Variants in CSMD3 observed in about 807,000 individuals in gnomAD.
The protein encoded by CSMD3 is CUB and Sushi multiple domains 3.
Under a neutral mutation model 435.2 loss-of-function variants are expected in CSMD3, and 177 were observed. The ratio of observed to expected loss-of-function variants is 0.41; its 90% CI spans 0.36 to 0.46. The LOEUF (loss-of-function observed/expected upper bound fraction) is 0.46, where lower values mean the gene tolerates loss of function less well. Among genes scored for constraint, CSMD3 ranks in the 20% least tolerant of loss-of-function variants. The probability of loss-of-function intolerance (pLI) is 0.34; values close to 1 mark genes in which losing one functional copy is unlikely to be tolerated. For missense variants in CSMD3, 4,265 were observed against 4,504.6 expected (o/e 0.95, Z 1.52); for synonymous variants, 1,656 against 1,520.5 (o/e 1.09, Z -2.07).
At chr8:112,373,016 A>G (rs1241418424) in intron 38 of CSMD3, among the ~76,000 whole-genome samples, 4 of 117,074 alleles carry the variant, frequency 3.4e-5, no homozygotes, top group Non-Finnish European at 5.6e-5. Context: ...ATATATATAT[A>G]TATATATTTT....
At chr8:113,254,807 T>G (rs2093366153) in intron 3 of CSMD3, among the ~76,000 whole-genome samples, 1 of 152,188 alleles carries the variant, frequency 6.6e-6, no homozygotes, top group African/African-American at 2.4e-5. Flanking sequence ...TTTTAATTAT[T>G]TTTTTAATTC....
intron 5 of CSMD3, among the ~76,000 whole-genome samples, chr8:113,048,307 C>T (rs2087932289): frequency 6.6e-6 from 1 of 152,038 alleles, no homozygotes; most frequent in Non-Finnish European, 1.5e-5. Context: ...GTTATCCAGG[C>T]TGGTCTCCAT....
At chr8:113,039,002 G>T (rs2087481812) in intron 5 of CSMD3, among the ~76,000 whole-genome samples, 2 of 152,054 alleles carry the variant, frequency 1.3e-5, no homozygotes, top group Admixed American at 6.6e-5. Flanking sequence ...TTTGTCCCTT[G>T]AGGGTTCTCT....
intron 3 of CSMD3, among the ~76,000 whole-genome samples, chr8:113,183,936 A>G (rs1564401856): frequency 6.6e-6 from 1 of 151,966 alleles, no homozygotes; most frequent in African/African-American, 2.4e-5. Flanking sequence ...GTGTCCTCCA[A>G]TTCAATTCTG....
chr8:112,807,954 T>C (rs2079132418), intron 12 of CSMD3, among the ~76,000 whole-genome samples: 2 of 152,212 alleles, frequency 1.3e-5, no homozygotes, highest in Non-Finnish European at 2.9e-5. Flanking sequence ...ATTTGATTAA[T>C]AGTGTGTCAT....
intron 4 of CSMD3, among the ~76,000 whole-genome samples, chr8:113,108,963 G>A (rs893380892): frequency 2.6e-5 from 4 of 152,132 alleles, no homozygotes; most frequent in African/African-American, 9.7e-5. Context: ...GAAATGCAAA[G>A]AGCTAAGTCT....
chr8:112,790,082 G>A (rs1458967449), intron 13 of CSMD3, among the ~76,000 whole-genome samples: 1 of 151,172 alleles, frequency 6.6e-6, no homozygotes, highest in African/African-American at 2.4e-5. Context: ...ACAGATTACA[G>A]ATTGATATAT....
Position 112,537,551 on chromosome 8 carries a change from A to G in CSMD3, c.4564+13120T>C, listed in dbSNP as rs1428605632. ...AATCACAGCCAAAAAATGAGACATTAAAACTGATACCACAGAAACACAAGG... is the reference window on the plus strand; with the variant it reads ...AATCACAGCCAAAAAATGAGACATTGAAACTGATACCACAGAAACACAAGG... On this transcript the variant is annotated intron_variant, in intron 27 of 70. Coordinates refer to ENST00000297405, the MANE Select transcript of CSMD3 (RefSeq NM_198123.2). Among the ~76,000 whole-genome samples, 5 of 152,082 alleles carry G rather than the reference A, an allele frequency of 3.3e-5. No individual in the cohort carries two copies. The East Asian group carries it at 7.7e-4, about 23-fold the overall frequency.
chr8:113,224,995 T>C (rs1027323507), intron 3 of CSMD3, among the ~76,000 whole-genome samples: 5 of 151,450 alleles, frequency 3.3e-5, no homozygotes, highest in Non-Finnish European at 5.9e-5. Context: ...TAAATATATG[T>C]ATTACTGTTT....
At chr8:113,255,891 CTAT>C (rs1164921146) in intron 3 of CSMD3, among the ~76,000 whole-genome samples, 1 of 151,714 alleles carries the variant, frequency 6.6e-6, no homozygotes, top group Non-Finnish European at 1.5e-5. Flanking sequence ...TATACTTTTG[CTAT>C]TATTTTACAG....
At chr8:112,642,986 T>C (rs893274237) in intron 20 of CSMD3, among the ~76,000 whole-genome samples, 2 of 152,134 alleles carry the variant, frequency 1.3e-5, no homozygotes, top group African/African-American at 2.4e-5. Context: ...GGAAGTTGAT[T>C]AGAGTGGTGA....
At chr8:113,314,332 G>A (rs1429751839) in intron 2 of CSMD3, 1 of 490,110 alleles carries the variant, frequency 2.0e-6, no homozygotes, top group African/African-American at 1.9e-5. Flanking sequence ...ACTATAAAGA[G>A]ATCACCACTC....
intron 13 of CSMD3, among the ~76,000 whole-genome samples, chr8:112,728,015 T>A (rs1324435449): frequency 1.3e-5 from 2 of 151,984 alleles, no homozygotes; most frequent in Non-Finnish European, 2.9e-5. Flanking sequence ...AATGCTAATT[T>A]CCTTTTCCAA....
At chr8:113,067,661 C>T (rs560126101) in intron 5 of CSMD3, among the ~76,000 whole-genome samples, 6 of 152,010 alleles carry the variant, frequency 3.9e-5, no homozygotes, top group East Asian at 1.9e-4. Context: ...TATAAGTTGA[C>T]GGAAAATTTT....
rs147613927 is a variant in CSMD3 at position 112,717,649 on chromosome 8, C to T, written c.1973-27599G>A. 3.5e-3 allele frequency among the ~76,000 whole-genome samples: 532 copies of T among 152,126 alleles called. 4 individuals are homozygous for T. The highest frequency in any genetic ancestry group is 0.011 in the African/African-American group (448 of 41,508). Reference sequence around the variant, plus strand: ...GCAGCATTATTTACAATAGCAAAGACGTGGAACCAACCCAAATGCCCATTG... The same window carrying T: ...GCAGCATTATTTACAATAGCAAAGATGTGGAACCAACCCAAATGCCCATTG... On this transcript the variant is annotated intron_variant, in intron 13 of 70. Transcript: ENST00000297405.
intron 27 of CSMD3, among the ~76,000 whole-genome samples, chr8:112,523,264 T>G (rs1371270430): frequency 6.6e-6 from 1 of 151,980 alleles, no homozygotes. Flanking sequence ...GAATCTTTCC[T>G]GCCTTATCTG....
intron 32 of CSMD3, among the ~76,000 whole-genome samples, chr8:112,430,894 A>ATG (rs998332829): frequency 1.4e-4 from 14 of 102,066 alleles, no homozygotes; most frequent in Non-Finnish European, 2.6e-4. Context: ...GTTTGTGTGT[A>ATG]TATGTGTGTG....
At chr8:112,304,538 T>A (rs949938508) in intron 52 of CSMD3, among the ~76,000 whole-genome samples, 183 bp downstream of exon 52, 1 of 152,154 alleles carries the variant, frequency 6.6e-6, no homozygotes, top group Non-Finnish European at 1.5e-5. Context: ...TTCTATTTGC[T>A]AGAAAAGCAT....
chr8:112,685,843 T>A (rs1453289704), intron 14 of CSMD3, 111 bp from the exon 15 acceptor site: 2 of 718,684 alleles, frequency 2.8e-6, no homozygotes, highest in Admixed American at 2.5e-5. Context: ...AAGATAATAT[T>A]AAATTATGTA....
Sources: gnomAD v4.1 joint callset for allele counts (sites outside exome capture counted in the v4.1 genomes callset) on GRCh38, gnomAD v4.1.1 for gene constraint, MANE v1.5 for transcripts, NCBI Gene and HGNC (gene_info 2026-07-23, HGNC 2026-07-21) for gene names.